Variants in KIF27 observed in about 807,000 individuals in gnomAD.
KIF27 encodes kinesin family member 27.
Under a neutral mutation model 141.8 loss-of-function variants are expected in KIF27, and 84 were observed. The ratio of observed to expected loss-of-function variants is 0.59; its 90% confidence interval spans 0.50 to 0.71. The LOEUF is 0.71. Among genes scored for constraint, KIF27 ranks in the 30% least tolerant of loss-of-function variants. KIF27 has a pLI of 0.00. For synonymous variants in KIF27, 471 were observed against 569.5 expected, an observed-to-expected ratio of 0.83 and a Z score of 2.46; for missense variants, 1,306 against 1,628.4, an observed-to-expected ratio of 0.80 and a Z score of 3.41.
intron 14 of KIF27, chr9:83,858,660 A>G (rs1158553967): frequency 3.3e-5 from 5 of 153,680 alleles, no homozygotes; most frequent in African/African-American, 9.6e-5. Context: ...TGGGATTGGA[A>G]TTTTGTGCAT....
chr9:83,867,890 G>C (rs2132008716), intron 12 of KIF27, 30 bp from the exon 13 acceptor site: 1 of 1,544,964 alleles, frequency 6.5e-7, no homozygotes, highest in Non-Finnish European at 8.7e-7. Flanking sequence ...AAAGTTACTT[G>C]TTTTTCCTTC....
Position 83,850,205 on chromosome 9 carries a change from T to C in KIF27, c.3450A>G (p.Glu1150=), listed in dbSNP as rs760297572. The change falls in exon 16 of 18, where the codon GAA becomes GAG. Residue 1150 remains glutamate, a synonymous_variant. Coordinates refer to ENST00000297814, the MANE Select transcript of KIF27 (RefSeq NM_017576.4). ...TTAGATGGTCCAGTGCAGATTCTAA[T>C]TCACGAACCATATTATCCCGTTCCA... is the stretch of plus-strand genomic sequence containing the variant. The part of the protein sequence containing the change: ...KVLERDNMVR[E]LESALDHLKL... The C allele has an allele frequency of 4.3e-6, 7 of 1,612,428 alleles. No individual in the cohort carries two copies. The East Asian group carries it at 6.7e-5, about 15-fold the overall frequency.
intron 16 of KIF27, among the ~76,000 whole-genome samples, chr9:83,846,286 T>C (rs1187257855): frequency 6.6e-6 from 1 of 152,170 alleles, no homozygotes; most frequent in Non-Finnish European, 1.5e-5. Flanking sequence ...GGATGTGGGT[T>C]TGCCTATCCT....
In KIF27 at chr9:83,835,589, C is replaced by T. The variant is rs1451166213; in HGVS notation, c.*1412G>A. 6.6e-6 allele frequency: 1 copy of T among 151,924 alleles called. No individual in the cohort carries two copies. The highest frequency in any genetic ancestry group is 2.4e-5 in the African/African-American group (1 of 41,360). The allele number at this position is 151,924 out of a possible 1,614,324, so 9.4% of individuals were successfully genotyped here. On this transcript the variant is annotated 3_prime_UTR_variant, in exon 18 of 18. Transcript: ENST00000297814. The stretch of plus-strand genomic sequence containing the variant: ...GCAAGGAGACCAAGAAACTCTACTC[C>T]CTAGGGGCTAGCAATGAGAGAAAGG...
rs142339049 is a variant in KIF27 at position 83,903,601 on chromosome 9, A to C, written c.917T>G (p.Leu306Arg). 5 of 1,614,084 alleles carry C rather than the reference A, an allele frequency of 3.1e-6. No homozygotes were observed. The African/African-American group carries it at 6.7e-5, about 22-fold the overall frequency. The change falls in exon 4 of 18, where the codon CTG becomes CGG. Residue 306 changes from leucine (L) to arginine (R), a missense_variant. Coordinates refer to ENST00000297814, the MANE Select transcript of KIF27 (RefSeq NM_017576.4). ...CATGACAGTCTTAGCACTGCCTCCC[A>C]GAGAATCTTTCAGAAGCCGGGTAAT... Reference protein sequence around the residue: ...AKITRLLKDSLGGSAKTVMIT... With the variant: ...AKITRLLKDSRGGSAKTVMIT...
chr9:83,901,394 A>T (rs1456282621), intron 4 of KIF27, among the ~76,000 whole-genome samples: 1 of 152,198 alleles, frequency 6.6e-6, no homozygotes, highest in Admixed American at 6.5e-5. Flanking sequence ...TATCTGAAAA[A>T]ATCAGTGAAA....
At position 83,903,558 on chromosome 9, in the gene KIF27, G is replaced by A. The variant is rs1954160858; in HGVS notation, c.960C>T (p.Pro320=). Reference sequence around the variant, plus strand: ...AGGACTCATCAAAATTCGAGGAGGAGGGGCTGACACATGTGATCATGACAG... The same window carrying A: ...AGGACTCATCAAAATTCGAGGAGGAAGGGCTGACACATGTGATCATGACAG... The part of the protein sequence containing the change: ...AKTVMITCVS[P]SSSNFDESLN... Residue 320 remains proline, a synonymous_variant, in exon 4 of 18, where the codon CCC becomes CCT. Transcript: ENST00000297814. 6.2e-7 allele frequency: 1 copy of A among 1,614,152 alleles called. No homozygotes were observed. Among genetic ancestry groups the A allele is most frequent in the Admixed American group, 1.7e-5 (1 of 60,020 alleles).
rs1052977769 is a variant in KIF27, at chr9:83,852,242, G to C, written c.3357+1387C>G. Reference sequence around the variant, plus strand: ...AGGCGGATCATGAGGTCAGGAGATCGAGACCATCCCTGTCTAACATGGTAA... The same window carrying C: ...AGGCGGATCATGAGGTCAGGAGATCCAGACCATCCCTGTCTAACATGGTAA... On this transcript the variant is annotated intron_variant, in intron 15 of 17. Transcript: ENST00000297814. 2.0e-5 allele frequency among the ~76,000 whole-genome samples: 3 copies of C among 151,516 alleles called. No individual in the cohort carries two copies. In the East Asian group the frequency reaches 5.8e-4, roughly 29 times the overall value.
intron 5 of KIF27, among the ~76,000 whole-genome samples, chr9:83,896,200 G>C (rs1468861674): frequency 1.3e-5 from 2 of 152,112 alleles, no homozygotes; most frequent in Non-Finnish European, 2.9e-5. Flanking sequence ...CGGAGATTGT[G>C]CCACTGCGCT....
In KIF27 at chr9:83,903,177, T is replaced by C. The variant is rs1304795038; in HGVS notation, c.1341A>G (p.Gln447=). 2 of 1,614,064 alleles carry C rather than the reference T, an allele frequency of 1.2e-6. No homozygotes were observed. The highest frequency in any genetic ancestry group is 3.3e-5 in the Admixed American group (2 of 60,002). The stretch of plus-strand genomic sequence containing the variant: ...AGGTGAGGACAGCCTTCCTGACCTC[T>C]TGGATCATGTTAAACCACTCCTGCA... ...HKLQEWFNMI[Q]EVRKAVLTSF... Residue 447 remains glutamine (Q), a synonymous_variant, in exon 4 of 18, where the codon CAA becomes CAG. Transcript: ENST00000297814.
chr9:83,867,155 T>TTCA (rs1241040441), intron 13 of KIF27, among the ~76,000 whole-genome samples: 1 of 152,164 alleles, frequency 6.6e-6, no homozygotes, highest in Non-Finnish European at 1.5e-5. Context: ...GTTTTCAAGG[T>TTCA]TCATCCATGT....
intron 2 of KIF27, among the ~76,000 whole-genome samples, chr9:83,911,450 C>G (rs994313993): frequency 6.6e-6 from 1 of 151,944 alleles, no homozygotes; most frequent in African/African-American, 2.4e-5. Flanking sequence ...AGGATGATCT[C>G]GATTTTCTGA....
chr9:83,845,222 C>T (rs1392138703), intron 16 of KIF27, among the ~76,000 whole-genome samples: 7 of 152,216 alleles, frequency 4.6e-5, no homozygotes, highest in Non-Finnish European at 7.3e-5. Context: ...TAAGAGACAG[C>T]TCTTGGCCTG....
intron 9 of KIF27, among the ~76,000 whole-genome samples, chr9:83,886,163 G>A (rs1162087958): frequency 6.6e-6 from 1 of 151,968 alleles, no homozygotes; most frequent in African/African-American, 2.4e-5. Flanking sequence ...ATCTAGAATG[G>A]TTTCTCCATT....
chr9:83,888,651 T>C, intron 7 of KIF27, 59 bp from the exon 8 acceptor site: 1 of 972,196 alleles, frequency 1.0e-6, no homozygotes, highest in Non-Finnish European at 1.6e-6. Context: ...TGCCCTCAAA[T>C]TAGTTTCCCC....
At chr9:83,846,370 A>G (rs1230686247) in intron 16 of KIF27, among the ~76,000 whole-genome samples, 1 of 152,138 alleles carries the variant, frequency 6.6e-6, no homozygotes, top group East Asian at 1.9e-4. Context: ...GGTATTCCAC[A>G]CAGCATCACC....
chr9:83,894,974 T>C (rs2132432907), intron 5 of KIF27, among the ~76,000 whole-genome samples: 1 of 151,982 alleles, frequency 6.6e-6, no homozygotes, highest in East Asian at 1.9e-4. Flanking sequence ...GGCCGGGCAC[T>C]GTGGCTCACA....
At position 83,841,254 on chromosome 9, in the gene KIF27, A is replaced by C. The variant is rs530636709; in HGVS notation, c.3721+983T>G. ...CCTGGCTAATTTTGTATTTTTTAATAGAGACGGGGTTTCACCATGTTGGTC... is the reference window on the plus strand; with the variant it reads ...CCTGGCTAATTTTGTATTTTTTAATCGAGACGGGGTTTCACCATGTTGGTC... On this transcript the variant is annotated intron_variant, in intron 17 of 17. Transcript: ENST00000297814. 2.2e-4 allele frequency among the ~76,000 whole-genome samples: 33 copies of C among 152,250 alleles called. No homozygotes were observed. In the South Asian group the frequency reaches 6.8e-3, roughly 32 times the overall value.
intron 16 of KIF27, chr9:83,849,739 T>C (rs1449338548): frequency 5.3e-6 from 1 of 190,224 alleles, no homozygotes; most frequent in Non-Finnish European, 1.1e-5. Context: ...GAAAATAACT[T>C]AAATATGATA....
Sources: allele counts gnomAD v4.1 joint callset (sites outside exome capture counted in the v4.1 genomes callset), GRCh38; gene constraint gnomAD v4.1.1; transcripts MANE v1.5; gene names NCBI Gene and HGNC (gene_info 2026-07-23, HGNC 2026-07-21).